Variants in AGPS observed in about 807,000 individuals in gnomAD.
AGPS encodes the protein alkylglycerone phosphate synthase.
AGPS carries 26 observed loss-of-function variants against 90.7 expected under a neutral mutation model. The observed-to-expected ratio is 0.29, with a 90% CI of 0.21 to 0.40. The LOEUF is 0.40. Among genes scored for constraint, AGPS ranks in the 10% least tolerant of loss-of-function variants. The pLI is 1.00. For synonymous variants in AGPS, 294 were observed against 285.3 expected (o/e 1.03, Z -0.31); for missense variants, 540 against 816.1 (o/e 0.66, Z 4.12).
rs1418189812 is a variant in AGPS, at chr2:177,489,914, C to T, written c.1234-3234C>T. The stretch of plus-strand genomic sequence containing the variant: ...CTTACCAGCAGGGGTCACTTTAACT[C>T]AAGGACCTTTTTCCCTCCTTTACAA... On this transcript the variant is annotated intron_variant, in intron 11 of 19. Transcript: ENST00000264167. Among the ~76,000 whole-genome samples, 7 of 152,274 alleles carry T rather than the reference C, an allele frequency of 4.6e-5. 1 individual carries two copies. The highest frequency in any genetic ancestry group is 2.0e-4 in the Admixed American group (3 of 15,302).
chr2:177,474,559 C>T lies in AGPS; in HGVS notation c.1105+6035C>T, dbSNP rs147214578. On this transcript the variant is annotated intron_variant, in intron 10 of 19. Coordinates refer to ENST00000264167, the MANE Select transcript of AGPS (RefSeq NM_003659.4). ...CTGCTGTGGGCATGCCCAGACAAGG[C>T]CTTGGTTAGGTTCCCTCATCTGCAC... is the stretch of plus-strand genomic sequence containing the variant. 3.0e-3 allele frequency among the ~76,000 whole-genome samples: 453 copies of T among 152,278 alleles called. 4 individuals are homozygous for T. Among genetic ancestry groups the T allele is most frequent in the African/African-American group, 0.01 (428 of 41,552 alleles).
intron 9 of AGPS, among the ~76,000 whole-genome samples, chr2:177,466,309 G>T (rs1406438764): frequency 6.6e-6 from 1 of 152,216 alleles, no homozygotes; most frequent in African/African-American, 2.4e-5. Flanking sequence ...TGAGTCCTGG[G>T]TTTTTATGGG....
intron 5 of AGPS, among the ~76,000 whole-genome samples, chr2:177,439,004 A>AC (rs59409695): frequency 2.6e-5 from 4 of 151,660 alleles, no homozygotes; most frequent in Non-Finnish European, 4.4e-5. Flanking sequence ...ACACACACAC[A>AC]ACTGGAAATC....
intron 8 of AGPS, among the ~76,000 whole-genome samples, chr2:177,461,169 T>C (rs1687283221): frequency 6.6e-6 from 1 of 152,166 alleles, no homozygotes; most frequent in Admixed American, 6.5e-5. Context: ...TGAGAAGAGA[T>C]GGCTGAGTCT....
At chr2:177,410,504 C>A (rs752731587) in intron 1 of AGPS, among the ~76,000 whole-genome samples, 7 of 152,140 alleles carry the variant, frequency 4.6e-5, no homozygotes, top group Non-Finnish European at 7.3e-5. Context: ...GTATAATGGC[C>A]CCTCCTTTTG....
At chr2:177,505,290 T>G (rs1463916888) in intron 14 of AGPS, among the ~76,000 whole-genome samples, 1 of 151,994 alleles carries the variant, frequency 6.6e-6, no homozygotes, top group Non-Finnish European at 1.5e-5. Context: ...TAGTTAATTC[T>G]TTCTGTGCTT....
intron 8 of AGPS, 21 bp downstream of exon 8, chr2:177,445,647 AT>A: frequency 6.7e-7 from 1 of 1,495,386 alleles, no homozygotes; most frequent in Admixed American, 2.0e-5. Context: ...TATTTTTCTT[AT>A]TTTTTTAAAT....
chr2:177,457,267 A>T (rs901038650), intron 8 of AGPS, among the ~76,000 whole-genome samples: 2 of 152,208 alleles, frequency 1.3e-5, no homozygotes, highest in African/African-American at 2.4e-5. Context: ...ACACCCTAAC[A>T]TCAAAATTAA....
At chr2:177,499,912 G>A (rs1295788779) in intron 14 of AGPS, among the ~76,000 whole-genome samples, 182 bp downstream of exon 14, 1 of 151,814 alleles carries the variant, frequency 6.6e-6, no homozygotes, top group African/African-American at 2.4e-5. Flanking sequence ...TTAAAATATT[G>A]TTTTGGTTTA....
chr2:177,497,786 C>T, intron 13 of AGPS, 21 bp downstream of exon 13: 1 of 1,308,078 alleles, frequency 7.6e-7, no homozygotes, highest in Non-Finnish European at 1.1e-6. Flanking sequence ...TTATAAAATG[C>T]TAAAATTGTA....
intron 6 of AGPS, chr2:177,441,387 C>G (rs1203056372): frequency 5.1e-6 from 1 of 195,640 alleles, no homozygotes; most frequent in Non-Finnish European, 1.0e-5. Flanking sequence ...CCTATATAAA[C>G]CTTTGAGATT....
At chr2:177,527,722 T>G (rs2079102158) in intron 19 of AGPS, among the ~76,000 whole-genome samples, 1 of 152,174 alleles carries the variant, frequency 6.6e-6, no homozygotes, top group Non-Finnish European at 1.5e-5. Flanking sequence ...TTTATAGGCC[T>G]TCTTTTATTG....
chr2:177,463,507 C>G (rs1687359521), intron 9 of AGPS, among the ~76,000 whole-genome samples: 1 of 152,140 alleles, frequency 6.6e-6, no homozygotes, highest in South Asian at 2.1e-4. Flanking sequence ...CTTTTGAAAT[C>G]TAAAGTTTCC....
At chr2:177,471,324 C>G (rs1687618151) in intron 10 of AGPS, among the ~76,000 whole-genome samples, 1 of 152,088 alleles carries the variant, frequency 6.6e-6, no homozygotes, top group Admixed American at 6.5e-5. Context: ...ATCCAAAAAC[C>G]TATTTTCTCC....
At chr2:177,494,623 A>G (rs1320675818) in intron 12 of AGPS, among the ~76,000 whole-genome samples, 1 of 152,188 alleles carries the variant, frequency 6.6e-6, no homozygotes, top group Non-Finnish European at 1.5e-5. Flanking sequence ...GTTTAAAGAA[A>G]GTCTTCCTGT....
intron 1 of AGPS, among the ~76,000 whole-genome samples, chr2:177,419,872 A>G (rs1334963792): frequency 6.6e-6 from 1 of 151,826 alleles, no homozygotes; most frequent in Admixed American, 6.6e-5. Flanking sequence ...GTTAATAATT[A>G]TGATTTTTTT....
rs2079222881 is a variant in AGPS at position 177,540,251 on chromosome 2, G to A, written c.*2056G>A. On this transcript the variant is annotated 3_prime_UTR_variant, in exon 20 of 20. Transcript: ENST00000264167. ...TTAGGAAACTGTAAATGTAACACCT[G>A]AAATTATTATGTTCACTATTCTACA... is the stretch of plus-strand genomic sequence containing the variant. The A allele has an allele frequency of 6.6e-6, 1 of 151,792 alleles. No homozygotes were observed. The highest frequency in any genetic ancestry group is 6.6e-5 in the Admixed American group (1 of 15,206). 9.4% of individuals were successfully genotyped at this position (151,792 alleles called of 1,614,324 possible). A position where few individuals can be genotyped will look rare whatever the true frequency, so the allele number is the denominator to read the frequency against.
chr2:177,409,388 CTTT>C (rs11305352), intron 1 of AGPS, among the ~76,000 whole-genome samples: 145 of 144,342 alleles, frequency 1.0e-3, no homozygotes, highest in Admixed American at 1.2e-3. Flanking sequence ...TATGATTTGA[CTTT>C]TTTTTTTTTT....
At chr2:177,530,643 T>C (rs1017918523) in intron 19 of AGPS, among the ~76,000 whole-genome samples, 10 of 152,090 alleles carry the variant, frequency 6.6e-5, no homozygotes, top group Admixed American at 6.5e-4. Flanking sequence ...TCTTAGAGGG[T>C]TTGGCCTGTA....
Sources: gnomAD v4.1 joint callset for allele counts (sites outside exome capture counted in the v4.1 genomes callset) on GRCh38, gnomAD v4.1.1 for gene constraint, MANE v1.5 for transcripts, NCBI Gene and HGNC (gene_info 2026-07-23, HGNC 2026-07-21) for gene names.